Variants in LSM2 observed in about 807,000 individuals in gnomAD.
The protein encoded by LSM2 is LSM2 homolog, U6 small nuclear RNA and mRNA degradation associated, also known as U6 snRNA-associated Sm-like protein LSm2.
Under a neutral mutation model 17.0 loss-of-function variants are expected in LSM2, and 12 were observed. The observed-to-expected ratio is 0.70, with a 90% CI of 0.45 to 1.14. The LOEUF (loss-of-function observed/expected upper bound fraction) is 1.14. Ranked by LOEUF, LSM2 falls within the 50% of genes most tolerant of loss-of-function variation. The probability of loss-of-function intolerance (pLI) is 0.00; values close to 1 mark genes in which losing one functional copy is unlikely to be tolerated. For synonymous variants in LSM2, 42 were observed against 44.5 expected, an observed-to-expected ratio of 0.94 and a Z score of 0.22; for missense variants, 62 against 111.8, an observed-to-expected ratio of 0.55 and a Z score of 2.01.
chr6:31,803,850 G>A (rs1465010411), intron 2 of LSM2, among the ~76,000 whole-genome samples: 1 of 152,004 alleles, frequency 6.6e-6, no homozygotes, highest in Admixed American at 6.6e-5. Context: ...AAAGTGCTGG[G>A]ATTACAGGTA....
rs755909452 is a variant in LSM2, at chr6:31,806,779, G to C, written c.-22C>G. 1.2e-6 allele frequency: 2 copies of C among 1,608,534 alleles called. No individual in the cohort carries two copies. The highest frequency in any genetic ancestry group is 1.1e-5 in the South Asian group (1 of 90,578). ...CCATGGTGCTGGCGCCGCGGGCAGC[G>C]GGCCGGACCGGGAAGACAGCAGGGT... On this transcript the variant is annotated 5_prime_UTR_variant, in exon 1 of 5. Transcript: ENST00000375661.
intron 2 of LSM2, among the ~76,000 whole-genome samples, chr6:31,803,278 C>T (rs1427508594): frequency 6.6e-6 from 1 of 152,160 alleles, no homozygotes; most frequent in Non-Finnish European, 1.5e-5. Flanking sequence ...CCTGTAATTC[C>T]AGCACTTTGG....
At chr6:31,802,456 G>A (rs937415812) in intron 2 of LSM2, among the ~76,000 whole-genome samples, 15 of 151,218 alleles carry the variant, frequency 9.9e-5, no homozygotes, top group African/African-American at 3.2e-4. Context: ...TTAGCTGGGC[G>A]TGGTGGTGCA....
Position 31,806,772 on chromosome 6 carries a change from G to C in LSM2, c.-15C>G. ...GTACCCACCATGGTGCTGGCGCCGC[G>C]GGCAGCGGGCCGGACCGGGAAGACA... On this transcript the variant is annotated 5_prime_UTR_variant, in exon 1 of 5. Transcript: ENST00000375661. 1 of 1,609,506 alleles carries C rather than the reference G, an allele frequency of 6.2e-7. No homozygotes were observed. The highest frequency in any genetic ancestry group is 8.5e-7 in the Non-Finnish European group (1 of 1,178,682).
Position 31,805,520 on chromosome 6 carries a change from G to A in LSM2, c.71+555C>T, listed in dbSNP as rs139878581. On this transcript the variant is annotated intron_variant, in intron 2 of 4. Transcript: ENST00000375661. ...GCTGGGATTACAGGCACCAGCCACC[G>A]TGCCCGGCTAATTTTTGTATTTTTA... 3.0e-3 allele frequency among the ~76,000 whole-genome samples: 462 copies of A among 151,772 alleles called. 1 individual carries two copies. The highest frequency in any genetic ancestry group is 0.01 in the African/African-American group (431 of 41,414).
rs943549566 is a variant in LSM2, at chr6:31,806,627, A to G, written c.3+128T>C. On this transcript the variant is annotated intron_variant, in intron 1 of 4. Transcript: ENST00000375661. ...TGCCTCCTCAATGAACCTGAGAAAC[A>G]GTACAGTACTAAAGATGAAGATAAA... 2.9e-5 allele frequency: 35 copies of G among 1,216,260 alleles called. No homozygotes were observed. In the East Asian group the frequency reaches 8.9e-4, roughly 31 times the overall value. 75.3% of individuals were successfully genotyped at this position (1,216,260 alleles called of 1,614,324 possible).
At position 31,797,549 on chromosome 6, in the gene LSM2, T is replaced by C. The variant is rs1814442414; in HGVS notation, c.*208A>G. The C allele has an allele frequency of 1.5e-6, 1 of 664,396 alleles. No individual in the cohort carries two copies. Among genetic ancestry groups the C allele is most frequent in the Non-Finnish European group, 2.5e-6 (1 of 402,056 alleles). The allele number at this position is 664,396 out of a possible 1,614,324, so 41.2% of individuals were successfully genotyped here. ...CTGGGGACTGGGAAGGCTTTGAAGT[T>C]TCCCAGCCTACTTATCCTCCCCTTC... is the stretch of plus-strand genomic sequence containing the variant. On this transcript the variant is annotated 3_prime_UTR_variant, in exon 5 of 5. Coordinates refer to ENST00000375661, the MANE Select transcript of LSM2 (RefSeq NM_021177.5).
intron 2 of LSM2, 143 bp from the exon 3 acceptor site, chr6:31,798,650 T>C: frequency 2.4e-6 from 2 of 817,718 alleles, no homozygotes; most frequent in Non-Finnish European, 3.9e-6. Flanking sequence ...AAAGGGGGCA[T>C]TCCTAAGCCC....
chr6:31,806,865 C>T lies in LSM2; in HGVS notation c.-108G>A, dbSNP rs1815077048. 2.1e-6 allele frequency: 3 copies of T among 1,400,542 alleles called. No homozygotes were observed. Among genetic ancestry groups the T allele is most frequent in the African/African-American group, 1.5e-5 (1 of 67,098 alleles). The allele number at this position is 1,400,542 out of a possible 1,614,324, so 86.8% of individuals were successfully genotyped here. On this transcript the variant is annotated 5_prime_UTR_variant, in exon 1 of 5. Coordinates refer to ENST00000375661, the MANE Select transcript of LSM2 (RefSeq NM_021177.5). ...CCGCGCGTGGGGCGAGGCGGGACCGCGCAGGCGCAGCGGGAAGCGACGCAG... is the reference window on the plus strand; with the variant it reads ...CCGCGCGTGGGGCGAGGCGGGACCGTGCAGGCGCAGCGGGAAGCGACGCAG...
In LSM2 at chr6:31,806,823, G is replaced by A; in HGVS notation, c.-66C>T. 3 of 1,545,534 alleles carry A rather than the reference G, an allele frequency of 1.9e-6. No individual in the cohort carries two copies. The highest frequency in any genetic ancestry group is 1.8e-4 in the Middle Eastern group (1 of 5,558). On this transcript the variant is annotated 5_prime_UTR_variant, in exon 1 of 5. Transcript: ENST00000375661. ...GCAGGGTGCTGCGAGCAGGTCTGGG[G>A]AAACCGAAGCGCGAGCCCGCGCGTG...
intron 2 of LSM2, among the ~76,000 whole-genome samples, chr6:31,801,954 G>A (rs1368392407): frequency 6.6e-6 from 1 of 152,004 alleles, no homozygotes; most frequent in Non-Finnish European, 1.5e-5. Flanking sequence ...TGGGCAACAC[G>A]GCCGAGACTC....
chr6:31,799,139 T>C (rs1352574504), intron 2 of LSM2, among the ~76,000 whole-genome samples: 1 of 152,204 alleles, frequency 6.6e-6, no homozygotes, highest in African/African-American at 2.4e-5. Flanking sequence ...AAAGTAGTTA[T>C]TACCTTCCAG....
chr6:31,804,007 C>T (rs957552682), intron 2 of LSM2, among the ~76,000 whole-genome samples: 3 of 152,090 alleles, frequency 2.0e-5, no homozygotes, highest in African/African-American at 4.8e-5. Flanking sequence ...GAATTTGAAA[C>T]CAGCCTGAGC....
intron 2 of LSM2, among the ~76,000 whole-genome samples, chr6:31,804,769 T>TC (rs1437036605): frequency 9.5e-5 from 12 of 125,746 alleles, no homozygotes; most frequent in African/African-American, 4.0e-4. Context: ...TTTTCTTTTT[T>TC]TTTTTTTTTT....
intron 2 of LSM2, among the ~76,000 whole-genome samples, chr6:31,802,019 C>T (rs9461726): frequency 0.12 from 18,015 of 152,008 alleles, 1,464 homozygotes; most frequent in African/African-American, 0.21. Flanking sequence ...CAGTGGCTCA[C>T]GTCTGTAATC....
In LSM2 at chr6:31,806,846, G is replaced by T. The variant is rs1398312897; in HGVS notation, c.-89C>A. On this transcript the variant is annotated 5_prime_UTR_variant, in exon 1 of 5. Coordinates refer to ENST00000375661, the MANE Select transcript of LSM2 (RefSeq NM_021177.5). ...GGGAAACCGAAGCGCGAGCCCGCGC[G>T]TGGGGCGAGGCGGGACCGCGCAGGC... is the stretch of plus-strand genomic sequence containing the variant. 7.4e-6 allele frequency: 11 copies of T among 1,484,986 alleles called. No homozygotes were observed. Among genetic ancestry groups the T allele is most frequent in the Non-Finnish European group, 9.9e-6 (11 of 1,114,986 alleles). 92.0% of individuals were successfully genotyped at this position (1,484,986 alleles called of 1,614,324 possible).
At position 31,797,469 on chromosome 6, in the gene LSM2, A is replaced by T. The variant is rs1011583434; in HGVS notation, c.*288T>A. 1 of 404,224 alleles carries T rather than the reference A, an allele frequency of 2.5e-6. No homozygotes were observed. Among genetic ancestry groups the T allele is most frequent in the African/African-American group, 2.0e-5 (1 of 49,664 alleles). The allele number at this position is 404,224 out of a possible 1,614,324, so 25.0% of individuals were successfully genotyped here. A position where few individuals can be genotyped will look rare whatever the true frequency, so the allele number is the denominator to read the frequency against. ...CCAAATGAATCACATGCTGCCCTGG[A>T]AAGACCTAGGAAACTCTCCTACCAT... On this transcript the variant is annotated 3_prime_UTR_variant, in exon 5 of 5. Coordinates refer to ENST00000375661, the MANE Select transcript of LSM2 (RefSeq NM_021177.5).
At position 31,806,857 on chromosome 6, in the gene LSM2, C is replaced by G; in HGVS notation, c.-100G>C. 2 of 1,435,916 alleles carry G rather than the reference C, an allele frequency of 1.4e-6. No individual in the cohort carries two copies. The highest frequency in any genetic ancestry group is 5.0e-5 in the East Asian group (2 of 40,330). 88.9% of individuals were successfully genotyped at this position (1,435,916 alleles called of 1,614,324 possible). A position where few individuals can be genotyped will look rare whatever the true frequency, so the allele number is the denominator to read the frequency against. On this transcript the variant is annotated 5_prime_UTR_variant, in exon 1 of 5. Coordinates refer to ENST00000375661, the MANE Select transcript of LSM2 (RefSeq NM_021177.5). ...GCGCGAGCCCGCGCGTGGGGCGAGG[C>G]GGGACCGCGCAGGCGCAGCGGGAAG...
At chr6:31,803,011 G>C (rs1814808383) in intron 2 of LSM2, 1 of 151,844 alleles carries the variant, frequency 6.6e-6, no homozygotes. Context: ...AAGGAGAAAA[G>C]AGGAGAATCA....
Sources: gnomAD v4.1 joint callset for allele counts (sites outside exome capture counted in the v4.1 genomes callset) on GRCh38, gnomAD v4.1.1 for gene constraint, MANE v1.5 for transcripts, NCBI Gene and HGNC (gene_info 2026-07-23, HGNC 2026-07-21) for gene names.